ROBO1: variants seen among roughly 807,000 people sequenced by gnomAD.
ROBO1 encodes roundabout homolog 1.
In ROBO1, 149 loss-of-function variants were observed where a neutral mutation model predicts 195.9. The observed-to-expected ratio is 0.76, with a 90% CI of 0.67 to 0.87. The LOEUF (loss-of-function observed/expected upper bound fraction) is 0.87. Among genes scored for constraint, ROBO1 ranks in the 40% least tolerant of loss-of-function variants. The pLI, the probability that ROBO1 is intolerant of heterozygous loss-of-function variation, is 0.00. For missense variants in ROBO1, 1,933 were observed against 2,068.3 expected, an observed-to-expected ratio of 0.93 and a Z score of 1.27; for synonymous variants, 816 against 733.2, an observed-to-expected ratio of 1.11 and a Z score of -1.82.
At chr3:78,828,824 T>G (rs2031878448) in intron 4 of ROBO1, among the ~76,000 whole-genome samples, 1 of 152,190 alleles carries the variant, frequency 6.6e-6, no homozygotes, top group South Asian at 2.1e-4. Flanking sequence ...GGCTCCCCAT[T>G]TGGGAAAGCT....
At chr3:78,854,871 C>G (rs2034313814) in intron 4 of ROBO1, among the ~76,000 whole-genome samples, 1 of 152,040 alleles carries the variant, frequency 6.6e-6, no homozygotes, top group Non-Finnish European at 1.5e-5. Flanking sequence ...TTTTAGAAAA[C>G]ATAGGACAAA....
chr3:79,265,404 A>C (rs918412215), intron 2 of ROBO1, among the ~76,000 whole-genome samples: 3 of 151,666 alleles, frequency 2.0e-5, no homozygotes, highest in Non-Finnish European at 3.0e-5. Context: ...ATATTTGGGA[A>C]TTTACCATAA....
intron 2 of ROBO1, among the ~76,000 whole-genome samples, chr3:79,514,737 A>G (rs550729386): frequency 8.5e-5 from 13 of 152,332 alleles, no homozygotes; most frequent in Non-Finnish European, 1.6e-4. Flanking sequence ...TGTTTTCCAT[A>G]AAATTGTAGC....
At chr3:79,248,355 C>T (rs572253678) in intron 2 of ROBO1, among the ~76,000 whole-genome samples, 1 of 128,880 alleles carries the variant, frequency 7.8e-6, no homozygotes, top group South Asian at 2.4e-4. Flanking sequence ...TAGATAAGGT[C>T]CTAGATGGGA....
chr3:78,760,453 C>A (rs533012538), intron 4 of ROBO1, among the ~76,000 whole-genome samples: 1 of 152,214 alleles, frequency 6.6e-6, no homozygotes, highest in South Asian at 2.1e-4. Context: ...ACTGCCTGAG[C>A]CCAGTACTCT....
Position 79,750,544 on chromosome 3 carries a change from G to A in ROBO1, c.-51+17208C>T, listed in dbSNP as rs116750652. Among the ~76,000 whole-genome samples the A allele has an allele frequency of 5.2e-3, 799 of 152,272 alleles. 7 individuals carry two copies. The highest frequency in any genetic ancestry group is 0.018 in the African/African-American group (746 of 41,546). Reference sequence around the variant, plus strand: ...ACTCCCACAATTCCAGCATGTAGTAGGAGGAATCCAGTAGGAGGTGAATAA... The same window carrying A: ...ACTCCCACAATTCCAGCATGTAGTAAGAGGAATCCAGTAGGAGGTGAATAA... On this transcript the variant is annotated intron_variant, in intron 1 of 30. Coordinates refer to ENST00000464233, the MANE Select transcript of ROBO1 (RefSeq NM_002941.4).
intron 29 of ROBO1, among the ~76,000 whole-genome samples, chr3:78,602,544 G>C (rs913251270): frequency 6.6e-6 from 1 of 151,970 alleles, no homozygotes; most frequent in Non-Finnish European, 1.5e-5. Context: ...ACTGACCCTA[G>C]GTGATTTTAC....
rs575379825 is a variant in ROBO1 at position 78,678,607 on chromosome 3, C to A, written c.1342+7139G>T. On this transcript the variant is annotated intron_variant, in intron 10 of 30. Coordinates refer to ENST00000464233, the MANE Select transcript of ROBO1 (RefSeq NM_002941.4). ...GGATAAATTCCTCGACACATACACT[C>A]TCCCAAGACTAAACCAGGAAGAAGT... Among the ~76,000 whole-genome samples, 680 of 152,246 alleles carry A rather than the reference C, an allele frequency of 4.5e-3. 7 individuals are homozygous for A. The highest frequency in any genetic ancestry group is 0.015 in the African/African-American group (633 of 41,540).
chr3:79,545,277 AC>A (rs1942224088), intron 2 of ROBO1, among the ~76,000 whole-genome samples: 1 of 152,192 alleles, frequency 6.6e-6, no homozygotes. Flanking sequence ...AATAAAAGTC[AC>A]GTCCTGAAAA....
intron 4 of ROBO1, among the ~76,000 whole-genome samples, chr3:78,842,669 A>T (rs970779312): frequency 3.3e-5 from 5 of 150,916 alleles, no homozygotes; most frequent in South Asian, 4.2e-4. Context: ...GGGAATGTAC[A>T]TTAAAAGTAT....
intron 2 of ROBO1, among the ~76,000 whole-genome samples, chr3:79,587,020 G>A (rs965991451): frequency 8.6e-5 from 13 of 151,818 alleles, no homozygotes; most frequent in African/African-American, 2.4e-5. Flanking sequence ...CAATTCAATG[G>A]CTGGCAAAGC....
intron 4 of ROBO1, among the ~76,000 whole-genome samples, chr3:78,890,401 A>C (rs949677941): frequency 9.2e-5 from 14 of 152,118 alleles, no homozygotes; most frequent in African/African-American, 3.1e-4. Flanking sequence ...TATGCACCAA[A>C]GGAAGGTGAG....
At chr3:78,779,820 A>G (rs1623449) in intron 4 of ROBO1, among the ~76,000 whole-genome samples, 84,484 of 152,006 alleles carry the variant, frequency 0.56, 23,660 homozygotes, top group East Asian at 0.73. Context: ...GTTTATTGCA[A>G]CACTGTTCAC....
chr3:79,155,994 A>C (rs1025326681), intron 2 of ROBO1, among the ~76,000 whole-genome samples: 1 of 151,790 alleles, frequency 6.6e-6, no homozygotes, highest in African/African-American at 2.4e-5. Flanking sequence ...ACAGTAATTT[A>C]CAGTTTCTCT....
At chr3:78,715,014 T>G (rs2081864959) in intron 7 of ROBO1, 1 of 152,370 alleles carries the variant, frequency 6.6e-6, no homozygotes, top group African/African-American at 2.4e-5. Flanking sequence ...GAACCCACTT[T>G]CATTTTTGAG....
intron 3 of ROBO1, among the ~76,000 whole-genome samples, chr3:79,107,127 TCACACACA>T (rs369021063): frequency 5.9e-5 from 8 of 136,384 alleles, no homozygotes; most frequent in African/African-American, 1.6e-4. Flanking sequence ...TCTCTCTCTC[TCACACACA>T]CACACACACA....
chr3:79,615,573 A>G (rs1439109380), intron 1 of ROBO1, among the ~76,000 whole-genome samples: 2 of 152,192 alleles, frequency 1.3e-5, no homozygotes, highest in Admixed American at 6.5e-5. Context: ...CTCAAACCTA[A>G]GCTAAAAATA....
intron 2 of ROBO1, among the ~76,000 whole-genome samples, chr3:79,356,860 G>A (rs944893505): frequency 6.6e-6 from 1 of 152,134 alleles, no homozygotes; most frequent in African/African-American, 2.4e-5. Flanking sequence ...ATTTCCCTGA[G>A]TTAATGGAAT....
chr3:79,409,831 A>G (rs1241557849), intron 2 of ROBO1, among the ~76,000 whole-genome samples: 2 of 152,180 alleles, frequency 1.3e-5, no homozygotes, highest in Non-Finnish European at 2.9e-5. Flanking sequence ...ATTTAAAAAC[A>G]TAAAATTGAA....
Sources: gnomAD v4.1 joint callset for allele counts (sites outside exome capture counted in the v4.1 genomes callset) on GRCh38, gnomAD v4.1.1 for gene constraint, MANE v1.5 for transcripts, NCBI Gene and HGNC (gene_info 2026-07-23, HGNC 2026-07-21) for gene names.